SCNN1B: variants seen among roughly 807,000 people sequenced by gnomAD.
The protein encoded by SCNN1B is sodium channel epithelial 1 subunit beta, also known as epithelial sodium channel subunit beta.
SCNN1B carries 46 observed loss-of-function variants against 65.3 expected under a neutral mutation model. The ratio of observed to expected loss-of-function variants is 0.70; its 90% CI spans 0.56 to 0.90. The LOEUF (loss-of-function observed/expected upper bound fraction) is 0.90, where lower values mean the gene tolerates loss of function less well. SCNN1B is among the 40% of genes least tolerant of loss of function. The probability of loss-of-function intolerance (pLI) is 0.00; values close to 1 mark genes in which losing one functional copy is unlikely to be tolerated. For synonymous variants in SCNN1B, 349 were observed against 330.6 expected (o/e 1.06, Z -0.60); for missense variants, 751 against 830.5 (o/e 0.90, Z 1.18).
chr16:23,366,677 A>G (rs1363299779), intron 4 of SCNN1B, among the ~76,000 whole-genome samples: 1 of 151,802 alleles, frequency 6.6e-6, no homozygotes, highest in African/African-American at 2.4e-5. Context: ...CTGGAGTGAG[A>G]TCACACCACT....
At chr16:23,365,112 G>C (rs1415975731) in intron 4 of SCNN1B, among the ~76,000 whole-genome samples, 1 of 150,928 alleles carries the variant, frequency 6.6e-6, no homozygotes, top group African/African-American at 2.4e-5. Context: ...GGGTGAAAGA[G>C]CAAAACTCCA....
At chr16:23,301,749 A>C (rs887990434), upstream of SCNN1B, among the ~76,000 whole-genome samples, 1 of 152,162 alleles carries the variant, frequency 6.6e-6, no homozygotes, top group African/African-American at 2.4e-5. Flanking sequence ...TTTCTAATGC[A>C]AAGATAGGAC....
intron 4 of SCNN1B, among the ~76,000 whole-genome samples, chr16:23,365,603 A>AGAGAG (rs1567313722): frequency 2.1e-3 from 194 of 93,740 alleles, no homozygotes; most frequent in Non-Finnish European, 3.3e-3. Flanking sequence ...GAAAGAAAGA[A>AGAGAG]AGAAAGAAAG....
chr16:23,339,474 C>T (rs1962009370), intron 1 of SCNN1B, among the ~76,000 whole-genome samples: 1 of 151,976 alleles, frequency 6.6e-6, no homozygotes, highest in South Asian at 2.1e-4. Context: ...CCTCAAACTC[C>T]TGGGCTCAAG....
chr16:23,378,668 C>A, intron 10 of SCNN1B, 38 bp from the exon 11 acceptor site: 1 of 1,603,128 alleles, frequency 6.2e-7, no homozygotes, highest in Non-Finnish European at 8.5e-7. Context: ...AGGGATGCTG[C>A]AGATGGCAAC....
intron 7 of SCNN1B, among the ~76,000 whole-genome samples, chr16:23,372,363 C>A (rs1962802710): frequency 6.6e-6 from 1 of 152,182 alleles, no homozygotes; most frequent in Non-Finnish European, 1.5e-5. Context: ...AAGTAATTTA[C>A]ATGTATATTA....
At chr16:23,292,375 T>TTTC (rs1960937862) in intron 2 of SCNN1B, among the ~76,000 whole-genome samples, 1 of 150,808 alleles carries the variant, frequency 6.6e-6, no homozygotes, top group Admixed American at 6.6e-5. Context: ...GTTTTTGTAT[T>TTTC]TTTAGTAGAG....
At chr16:23,343,627 G>GAAAGAAAGAAAGAAAGAA (rs1962119803) in intron 1 of SCNN1B, among the ~76,000 whole-genome samples, 1 of 108,472 alleles carries the variant, frequency 9.2e-6, no homozygotes, top group Admixed American at 9.3e-5. Flanking sequence ...AAGAAAGAAA[G>GAAAGAAAGAAAGAAAGAA]AAAGAAAGAA....
intron 3 of SCNN1B, chr16:23,353,384 C>G: frequency 2.3e-6 from 1 of 440,236 alleles, no homozygotes; most frequent in Non-Finnish European, 4.2e-6. Flanking sequence ...ATGAGGTCAT[C>G]AGGAATCTTT....
At chr16:23,312,321 A>G (rs892626990) in intron 1 of SCNN1B, among the ~76,000 whole-genome samples, 3 of 152,114 alleles carry the variant, frequency 2.0e-5, no homozygotes, top group Non-Finnish European at 4.4e-5. Flanking sequence ...CAGTCTCCTT[A>G]GCTGTACCAG....
chr16:23,325,604 C>T (rs1004908623), intron 1 of SCNN1B, among the ~76,000 whole-genome samples: 1 of 151,972 alleles, frequency 6.6e-6, no homozygotes, highest in African/African-American at 2.4e-5. Context: ...AAAAGTAATA[C>T]AATTTTGGAA....
intron 1 of SCNN1B, among the ~76,000 whole-genome samples, chr16:23,304,600 C>T (rs940374960): frequency 3.3e-5 from 5 of 152,196 alleles, no homozygotes; most frequent in African/African-American, 9.6e-5. Flanking sequence ...CTGAGAACCA[C>T]GAACCACGGA....
intron 2 of SCNN1B, among the ~76,000 whole-genome samples, chr16:23,291,503 T>C (rs1960924330): frequency 6.7e-6 from 1 of 150,370 alleles, no homozygotes. Flanking sequence ...TGTGTGTGTG[T>C]AGGTATACAT....
At chr16:23,342,454 C>T (rs1962072830) in intron 1 of SCNN1B, among the ~76,000 whole-genome samples, 1 of 152,178 alleles carries the variant, frequency 6.6e-6, no homozygotes, top group African/African-American at 2.4e-5. Context: ...ACCATATTGG[C>T]TAGGCTGGCC....
chr16:23,334,015 C>T (rs915021587), intron 1 of SCNN1B, among the ~76,000 whole-genome samples: 1 of 152,114 alleles, frequency 6.6e-6, no homozygotes, highest in African/African-American at 2.4e-5. Context: ...TGCTTGCCTG[C>T]GATGTGGATG....
At chr16:23,332,860 G>C (rs1961842670) in intron 1 of SCNN1B, among the ~76,000 whole-genome samples, 1 of 152,068 alleles carries the variant, frequency 6.6e-6, no homozygotes, top group Admixed American at 6.6e-5. Flanking sequence ...TACGAGGTCA[G>C]GAGTTCAAGA....
chr16:23,353,291 CA>C (rs1396396027), intron 3 of SCNN1B: 1 of 599,250 alleles, frequency 1.7e-6, no homozygotes, highest in Non-Finnish European at 2.9e-6. Context: ...CTAGCTTAAG[CA>C]AAACAGGCGA....
intron 3 of SCNN1B, among the ~76,000 whole-genome samples, chr16:23,355,078 C>G (rs1962389415): frequency 6.6e-6 from 1 of 152,092 alleles, no homozygotes; most frequent in African/African-American, 2.4e-5. Flanking sequence ...GTGGGTGCAC[C>G]AGCCTGATGA....
Position 23,378,687 on chromosome 16 carries a change from C to T in SCNN1B, c.1405-19C>T. The stretch of plus-strand genomic sequence containing the variant: ...ATGCTGCAGATGGCAACTTTTGCAA[C>T]CACCTTCTTGGGTTCCAGGACTGGA... On this transcript the variant is annotated intron_variant, in intron 10 of 12. Coordinates refer to ENST00000343070, the MANE Select transcript of SCNN1B (RefSeq NM_000336.3). The T allele has an allele frequency of 6.2e-7, 1 of 1,613,966 alleles. No individual in the cohort carries two copies. The highest frequency in any genetic ancestry group is 8.5e-7 in the Non-Finnish European group (1 of 1,179,852).
Sources: gnomAD v4.1 joint callset for allele counts (sites outside exome capture counted in the v4.1 genomes callset) on GRCh38, gnomAD v4.1.1 for gene constraint, MANE v1.5 for transcripts, NCBI Gene and HGNC (gene_info 2026-07-23, HGNC 2026-07-21) for gene names.